FAM53B: variants seen among roughly 807,000 people sequenced by gnomAD.
FAM53B encodes the protein family with sequence similarity 53 member B.
In FAM53B, 12 loss-of-function variants were observed where a neutral mutation model predicts 32.7. The ratio of observed to expected loss-of-function variants is 0.37; its 90% confidence interval spans 0.24 to 0.59. The LOEUF is 0.59. Ranked by LOEUF, FAM53B falls within the 20% of genes least tolerant of loss-of-function variation. The pLI, the probability that FAM53B is intolerant of heterozygous loss-of-function variation, is 0.72. For synonymous variants in FAM53B, 234 were observed against 228.7 expected (o/e 1.02, Z -0.21); for missense variants, 477 against 577.7 (o/e 0.83, Z 1.79).
intron 1 of FAM53B, among the ~76,000 whole-genome samples, chr10:124,720,291 G>A (rs1037900278): frequency 2.2e-5 from 3 of 134,986 alleles, no homozygotes; most frequent in Middle Eastern, 3.6e-3. Context: ...GCAATATAGT[G>A]AGACCTCGTC....
intron 1 of FAM53B, among the ~76,000 whole-genome samples, chr10:124,739,214 G>A (rs1171785294): frequency 1.3e-5 from 2 of 152,188 alleles, no homozygotes; most frequent in Non-Finnish European, 2.9e-5. Context: ...CACACAGCAG[G>A]GCATATGGAA....
intron 1 of FAM53B, among the ~76,000 whole-genome samples, chr10:124,718,649 T>C (rs1589762770): frequency 6.6e-6 from 1 of 152,232 alleles, no homozygotes; most frequent in African/African-American, 2.4e-5. Flanking sequence ...CACAGCACAA[T>C]GGCGGGGGAG....
intron 4 of FAM53B, among the ~76,000 whole-genome samples, chr10:124,680,446 TAGG>T (rs755399228): frequency 2.0e-5 from 3 of 151,752 alleles, no homozygotes; most frequent in Non-Finnish European, 4.4e-5. Context: ...ATGTTGGGAG[TAGG>T]AACTAAAGGA....
intron 3 of FAM53B, among the ~76,000 whole-genome samples, chr10:124,686,114 C>T (rs566659226): frequency 6.6e-6 from 1 of 152,228 alleles, no homozygotes; most frequent in East Asian, 1.9e-4. Context: ...CTCCTCCCCC[C>T]AGCTTTGTGT....
chr10:124,736,019 C>A (rs530740343), intron 1 of FAM53B, among the ~76,000 whole-genome samples: 2 of 152,374 alleles, frequency 1.3e-5, no homozygotes, highest in African/African-American at 2.4e-5. Flanking sequence ...CCTGCAGCCA[C>A]AAGAAGCACC....
At chr10:124,623,759 C>A in intron 4 of FAM53B, 155 bp from the exon 5 acceptor site, 1 of 749,038 alleles carries the variant, frequency 1.3e-6, no homozygotes, top group Non-Finnish European at 2.1e-6. Context: ...CCATGAGCAA[C>A]GTACTCATGA....
chr10:124,640,336 C>A (rs1456451178), intron 4 of FAM53B, among the ~76,000 whole-genome samples: 1 of 152,220 alleles, frequency 6.6e-6, no homozygotes, highest in African/African-American at 2.4e-5. Flanking sequence ...GGATCGTGTT[C>A]CTGAGCAGCC....
Position 124,623,541 on chromosome 10 carries a change from T to A in FAM53B, c.970A>T (p.Ser324Cys), listed in dbSNP as rs1349812458. 2 of 1,567,238 alleles carry A rather than the reference T, an allele frequency of 1.3e-6. No individual in the cohort carries two copies. Among genetic ancestry groups the A allele is most frequent in the East Asian group, 2.3e-5 (1 of 42,796 alleles). Residue 324 changes from serine to cysteine, a missense_variant, in exon 5 of 5, where the codon AGC becomes TGC. Coordinates refer to ENST00000337318, the MANE Select transcript of FAM53B (RefSeq NM_014661.4). ...TTGCTGACGTGGCGGGCGAAGGGGC[T>A]CTGGGGACCGCAGTCCTCTGTCCCT... is the stretch of plus-strand genomic sequence containing the variant. ...SAGTEDCGPQ[S>C]PFARHVSNTR...
At chr10:124,715,584 G>GGT (rs1323783200) in intron 1 of FAM53B, among the ~76,000 whole-genome samples, 1 of 152,194 alleles carries the variant, frequency 6.6e-6, no homozygotes, top group Non-Finnish European at 1.5e-5. Context: ...GTGCAGCCTA[G>GGT]GTGTTGCCCT....
chr10:124,639,055 C>T (rs1949453660), intron 4 of FAM53B, among the ~76,000 whole-genome samples: 1 of 152,184 alleles, frequency 6.6e-6, no homozygotes, highest in African/African-American at 2.4e-5. Context: ...GGGAGACTCA[C>T]CCCAGACTTA....
At chr10:124,692,687 C>T (rs974205750) in intron 3 of FAM53B, among the ~76,000 whole-genome samples, 3 of 127,546 alleles carry the variant, frequency 2.4e-5, no homozygotes, top group African/African-American at 8.9e-5. Flanking sequence ...TGCACTCCAG[C>T]CTAGGAGACA....
intron 3 of FAM53B, among the ~76,000 whole-genome samples, chr10:124,689,113 T>A (rs1183719899): frequency 6.6e-6 from 1 of 152,210 alleles, no homozygotes; most frequent in Non-Finnish European, 1.5e-5. Flanking sequence ...TCCCCTGCCC[T>A]GTAGGTTGGG....
intron 4 of FAM53B, among the ~76,000 whole-genome samples, chr10:124,668,144 T>A (rs1031185696): frequency 1.2e-4 from 18 of 152,252 alleles, no homozygotes; most frequent in Non-Finnish European, 5.9e-5. Context: ...AAGCTGAAGA[T>A]CTGGTGTCTC....
intron 1 of FAM53B, 67 bp from the exon 2 acceptor site, chr10:124,706,954 C>A: frequency 7.4e-7 from 1 of 1,353,108 alleles, no homozygotes; most frequent in Non-Finnish European, 9.6e-7. Flanking sequence ...AGAGTCACCC[C>A]TCCCACAGTA....
intron 1 of FAM53B, among the ~76,000 whole-genome samples, chr10:124,741,934 A>G (rs993002867): frequency 2.6e-5 from 4 of 152,252 alleles, no homozygotes; most frequent in Non-Finnish European, 5.9e-5. Context: ...ATTCAAGTCC[A>G]CTTCTGCAGC....
chr10:124,732,522 TG>T (rs1304387649), intron 1 of FAM53B, among the ~76,000 whole-genome samples: 2 of 152,174 alleles, frequency 1.3e-5, no homozygotes, highest in Non-Finnish European at 2.9e-5. Context: ...TGAAATCATG[TG>T]TAACATATAA....
At chr10:124,694,570 T>C (rs1001869422) in intron 3 of FAM53B, among the ~76,000 whole-genome samples, 7 of 152,188 alleles carry the variant, frequency 4.6e-5, no homozygotes, top group East Asian at 1.9e-4. Flanking sequence ...TCTGGCCCGG[T>C]TGACAGCTAA....
intron 4 of FAM53B, among the ~76,000 whole-genome samples, chr10:124,634,893 T>C (rs1589732091): frequency 6.6e-6 from 1 of 152,180 alleles, no homozygotes; most frequent in East Asian, 1.9e-4. Flanking sequence ...TCAAGACCAC[T>C]AAGTTGTACA....
At chr10:124,720,637 C>A (rs1339050634) in intron 1 of FAM53B, among the ~76,000 whole-genome samples, 1 of 152,180 alleles carries the variant, frequency 6.6e-6, no homozygotes, top group Non-Finnish European at 1.5e-5. Context: ...AGCATGCCAC[C>A]AGTCCTGACA....
Sources: gnomAD v4.1 joint callset for allele counts (sites outside exome capture counted in the v4.1 genomes callset) on GRCh38, gnomAD v4.1.1 for gene constraint, MANE v1.5 for transcripts, NCBI Gene and HGNC (gene_info 2026-07-23, HGNC 2026-07-21) for gene names.